Variants in COG7 observed in about 807,000 individuals in gnomAD.
The protein encoded by COG7 is conserved oligomeric Golgi complex subunit 7.
COG7 carries 49 observed loss-of-function variants against 91.5 expected under a neutral mutation model. That is an observed-to-expected ratio of 0.54 (90% CI 0.43 to 0.68). The LOEUF (loss-of-function observed/expected upper bound fraction) is 0.68. Among genes scored for constraint, COG7 ranks in the 30% least tolerant of loss-of-function variants. The pLI, the probability that COG7 is intolerant of heterozygous loss-of-function variation, is 0.00. For missense variants in COG7, 895 were observed against 961.3 expected (o/e 0.93, Z 0.91); for synonymous variants, 365 against 388.7 (o/e 0.94, Z 0.72).
At position 23,406,143 on chromosome 16, in the gene COG7, T is replaced by C; in HGVS notation, c.1595A>G (p.Tyr532Cys). 6.2e-7 allele frequency: 1 copy of C among 1,614,158 alleles called. No homozygotes were observed. The highest frequency in any genetic ancestry group is 1.3e-5 in the African/African-American group (1 of 75,032). ...AGGGTTATCTTTCTGGAGGTAATTA[T>C]ATTCTTGCCATGGGTTCTTGGCAGA... Reference protein sequence around the residue: ...KNSAKNPWQEYNYLQKDNPAE... With the variant: ...KNSAKNPWQECNYLQKDNPAE... Residue 532 changes from tyrosine (Y) to cysteine (C), a missense_variant, in exon 12 of 17, where the codon TAT becomes TGT. Tyr to Cys is a radical substitution (Grantham distance 194). Transcript: ENST00000307149.
chr16:23,431,979 C>A (rs991080700), intron 6 of COG7, among the ~76,000 whole-genome samples: 1 of 151,538 alleles, frequency 6.6e-6, no homozygotes, highest in Non-Finnish European at 1.5e-5. Context: ...CTTATCTCTA[C>A]AAAAAAAATT....
chr16:23,392,591 C>T, intron 15 of COG7, 68 bp from the exon 16 acceptor site: 1 of 1,591,296 alleles, frequency 6.3e-7, no homozygotes, highest in Non-Finnish European at 8.6e-7. Flanking sequence ...ACCAAAGTAC[C>T]AGGAAGCTTC....
chr16:23,435,834 T>C (rs1425124457), intron 4 of COG7, among the ~76,000 whole-genome samples: 1 of 152,260 alleles, frequency 6.6e-6, no homozygotes, highest in Non-Finnish European at 1.5e-5. Flanking sequence ...CCAGTGGAAC[T>C]TGACTTAATG....
At chr16:23,413,071 C>G (rs1313428878) in intron 10 of COG7, 4 of 274,144 alleles carry the variant, frequency 1.5e-5, no homozygotes, top group Non-Finnish European at 2.1e-5. Context: ...GTTCTCAGAT[C>G]CAGAAACAGG....
chr16:23,444,698 G>A (rs1964154614), intron 3 of COG7, among the ~76,000 whole-genome samples: 1 of 151,392 alleles, frequency 6.6e-6, no homozygotes, highest in Non-Finnish European at 1.5e-5. Flanking sequence ...AGAGACGGGG[G>A]TCTCATTATT....
intron 3 of COG7, among the ~76,000 whole-genome samples, chr16:23,444,261 T>TA (rs1335460289): frequency 1.3e-5 from 2 of 152,130 alleles, no homozygotes; most frequent in Non-Finnish European, 2.9e-5. Context: ...TGTAACTTTT[T>TA]AAAAAAACTG....
rs1176951375 is a variant in COG7, at chr16:23,406,093, T to C, written c.1645A>G (p.Ile549Val). Residue 549 changes from isoleucine (I) to valine (V), a missense_variant, in exon 12 of 17, where the codon ATA (isoleucine) becomes GTA (valine). Coordinates refer to ENST00000307149, the MANE Select transcript of COG7 (RefSeq NM_153603.4). The stretch of plus-strand genomic sequence containing the variant: ...TCTCATACCTTAAGGGTATAAAGTA[T>C]TTCCATTAAACTGGCATATTCAGCA... ...NPAEYASLME[I>V]LYTLKEKGSS... is the part of the protein sequence containing the mutation. The C allele has an allele frequency of 1.9e-5, 30 of 1,613,944 alleles. No homozygotes were observed. Among genetic ancestry groups the C allele is most frequent in the Non-Finnish European group, 2.5e-5 (29 of 1,179,932 alleles).
rs1163540499 is a variant in COG7, at chr16:23,418,569, C to T, written c.1137+131G>A. On this transcript the variant is annotated intron_variant, in intron 8 of 16. Transcript: ENST00000307149. ...ATGGTCTCATTTTACATTGGGATTA[C>T]AAGAGCCCACAAGTGCTTAAAGGTC... 5.3e-6 allele frequency: 4 copies of T among 749,366 alleles called. No individual in the cohort carries two copies. In the African/African-American group the frequency reaches 6.9e-5, roughly 13 times the overall value. 46.4% of individuals were successfully genotyped at this position (749,366 alleles called of 1,614,324 possible).
chr16:23,406,062 AT>A lies in COG7; in HGVS notation c.1662+13del. On this transcript the variant is annotated intron_variant, in intron 12 of 16. Transcript: ENST00000307149. ...CCTTTCATTTGCAAGAATGCCATTC[AT>A]TTGGTCTCATACCTTAAGGGTATAA... 1 of 1,611,168 alleles carries A rather than the reference AT, an allele frequency of 6.2e-7. No individual in the cohort carries two copies. The highest frequency in any genetic ancestry group is 8.5e-7 in the Non-Finnish European group (1 of 1,177,300).
intron 14 of COG7, among the ~76,000 whole-genome samples, chr16:23,396,522 T>C (rs1408008048): frequency 6.6e-6 from 1 of 151,094 alleles, no homozygotes; most frequent in East Asian, 1.9e-4. Flanking sequence ...CTACTAAAAA[T>C]AGAAAAATTA....
At chr16:23,398,282 G>A (rs1034475708) in intron 13 of COG7, among the ~76,000 whole-genome samples, 153 bp from the exon 14 acceptor site, 10 of 152,100 alleles carry the variant, frequency 6.6e-5, no homozygotes, top group African/African-American at 2.4e-4. Context: ...CAGCAGGCAG[G>A]GGCTTCTCTT....
intron 4 of COG7, among the ~76,000 whole-genome samples, chr16:23,440,886 C>G (rs543612158): frequency 6.6e-6 from 1 of 152,186 alleles, no homozygotes; most frequent in East Asian, 1.9e-4. Context: ...CAGAAAACCC[C>G]ATCAGTCAAA....
chr16:23,442,789 A>T (rs1299367729), intron 3 of COG7, 144 bp from the exon 4 acceptor site: 16 of 755,138 alleles, frequency 2.1e-5, no homozygotes, highest in Non-Finnish European at 3.7e-5. Flanking sequence ...TAATCCCAGC[A>T]CTTTCGGAGA....
At chr16:23,394,663 A>G (rs1346048826) in intron 14 of COG7, among the ~76,000 whole-genome samples, 2 of 152,174 alleles carry the variant, frequency 1.3e-5, no homozygotes, top group Non-Finnish European at 2.9e-5. Flanking sequence ...TTCAGGGTGT[A>G]GTGTCCAGAA....
Position 23,453,132 on chromosome 16 carries a change from CT to C in COG7, c.-139del, listed in dbSNP as rs1437104834. The stretch of plus-strand genomic sequence containing the variant: ...ACCCCAGAAACGCCAGGACGGGTAA[CT>C]TGCCCCTTTGCGCTTCCCCGCTCAG... On this transcript the variant is annotated 5_prime_UTR_variant, in exon 1 of 17. Coordinates refer to ENST00000307149, the MANE Select transcript of COG7 (RefSeq NM_153603.4). The C allele has an allele frequency of 4.7e-6, 7 of 1,478,046 alleles. No individual in the cohort carries two copies. Among genetic ancestry groups the C allele is most frequent in the Non-Finnish European group, 6.3e-6 (7 of 1,111,870 alleles). 91.6% of individuals were successfully genotyped at this position (1,478,046 alleles called of 1,614,324 possible). A position where few individuals can be genotyped will look rare whatever the true frequency, so the allele number is the denominator to read the frequency against.
chr16:23,406,849 C>A (rs1359269699), intron 11 of COG7, among the ~76,000 whole-genome samples: 1 of 152,170 alleles, frequency 6.6e-6, no homozygotes, highest in South Asian at 2.1e-4. Flanking sequence ...CTGGCACTTT[C>A]CAAACTCTTT....
chr16:23,405,327 TG>T (rs2142066668), intron 12 of COG7, among the ~76,000 whole-genome samples: 1 of 152,208 alleles, frequency 6.6e-6, no homozygotes, highest in African/African-American at 2.4e-5. Flanking sequence ...CCTGGTATCC[TG>T]GGTTGGGATC....
intron 16 of COG7, chr16:23,392,033 A>G: frequency 8.2e-7 from 1 of 1,217,508 alleles, no homozygotes; most frequent in Non-Finnish European, 1.0e-6. Context: ...CATGCCTGGT[A>G]TGCAGTAAGA....
At chr16:23,443,067 T>A (rs1338943379) in intron 3 of COG7, among the ~76,000 whole-genome samples, 1 of 151,200 alleles carries the variant, frequency 6.6e-6, no homozygotes. Flanking sequence ...CTCAAATAAA[T>A]GCAAATTAAA....
Sources: gnomAD v4.1 joint callset for allele counts (sites outside exome capture counted in the v4.1 genomes callset) on GRCh38, gnomAD v4.1.1 for gene constraint, MANE v1.5 for transcripts, NCBI Gene and HGNC (gene_info 2026-07-23, HGNC 2026-07-21) for gene names.